The following DGKA variants were observed in gnomAD, a reference collection of about 807,000 sequenced individuals.
DGKA encodes diacylglycerol kinase alpha.
A neutral mutation model predicts 105.0 loss-of-function variants in DGKA; 35 were observed. That is an observed-to-expected ratio of 0.33 (90% CI 0.25 to 0.44). The LOEUF is 0.44. DGKA is among the 20% of genes least tolerant of loss of function. The pLI is 1.00. For missense variants in DGKA, 665 were observed against 915.0 expected, an observed-to-expected ratio of 0.73 and a Z score of 3.53; for synonymous variants, 296 against 332.0, an observed-to-expected ratio of 0.89 and a Z score of 1.18.
At chr12:55,935,978 C>T in intron 1 of DGKA, 1 of 989,098 alleles carries the variant, frequency 1.0e-6, no homozygotes, top group Non-Finnish European at 1.2e-6. Flanking sequence ...ACTCAGAGGG[C>T]CGGAACTGCC....
chr12:55,927,876 A>C, upstream of DGKA: 1 of 1,381,902 alleles, frequency 7.2e-7, no homozygotes, highest in Non-Finnish European at 9.7e-7. Flanking sequence ...CTTCTCGCCC[A>C]GACCTCCTAA....
intron 17 of DGKA, 179 bp downstream of exon 17, chr12:55,942,442 C>A (rs936689930): frequency 1.3e-5 from 8 of 611,226 alleles, no homozygotes; most frequent in African/African-American, 7.4e-5. Context: ...AAGCAGGGAC[C>A]ACAATCTGAA....
intron 18 of DGKA, 97 bp downstream of exon 18, chr12:55,951,880 G>A (rs1888223740): frequency 1.3e-6 from 2 of 1,532,996 alleles, no homozygotes; most frequent in South Asian, 1.2e-5. Flanking sequence ...TAAGTGACCT[G>A]TGACACAGGG....
In DGKA at chr12:55,940,853, T is replaced by C. The variant is rs1440932294; in HGVS notation, c.1018-44T>C. The C allele has an allele frequency of 2.5e-6, 4 of 1,605,702 alleles. No homozygotes were observed. Among genetic ancestry groups the C allele is most frequent in the Non-Finnish European group, 3.4e-6 (4 of 1,172,850 alleles). ...TCAGACCCCTCTATTTAGGGATTCA[T>C]GCACAATACAGCTTTTCTTCCCTCT... On this transcript the variant is annotated intron_variant, in intron 12 of 23. Coordinates refer to ENST00000331886, the MANE Select transcript of DGKA (RefSeq NM_001345.5). The surrounding 1 kb of genome is among the most constrained non-coding windows in gnomAD (Gnocchi z 4.3).
intron 17 of DGKA, among the ~76,000 whole-genome samples, chr12:55,950,148 G>A (rs1055441764): frequency 6.6e-6 from 1 of 151,578 alleles, no homozygotes; most frequent in African/African-American, 2.4e-5. Flanking sequence ...CTGATTTTTT[G>A]TATTTTTATA....
In DGKA at chr12:55,940,059, C is replaced by T; in HGVS notation, c.710-23C>T. The T allele has an allele frequency of 6.2e-7, 1 of 1,606,644 alleles. No individual in the cohort carries two copies. The stretch of plus-strand genomic sequence containing the variant: ...AGGGGGAGAGGCTCAGCTAAGCCTC[C>T]CAACTTCTTCCTTCTCCCTCAGTCT... On this transcript the variant is annotated intron_variant, in intron 9 of 23. Coordinates refer to ENST00000331886, the MANE Select transcript of DGKA (RefSeq NM_001345.5). The surrounding 1 kb of genome is among the most constrained non-coding windows in gnomAD (Gnocchi z 4.3).
chr12:55,951,050 G>A (rs1035555565), intron 17 of DGKA, among the ~76,000 whole-genome samples: 10 of 152,088 alleles, frequency 6.6e-5, no homozygotes, highest in African/African-American at 2.2e-4. Flanking sequence ...TGCAGGTAGC[G>A]AGCATAGAAC....
chr12:55,929,088 G>C (rs705717), upstream of DGKA: 5,778 of 152,406 alleles, frequency 0.038, 380 homozygotes, highest in African/African-American at 0.13. Flanking sequence ...GGAGGTTGCA[G>C]TGAGCCAAGA....
chr12:55,939,014 C>T, intron 7 of DGKA, 25 bp downstream of exon 7: 2 of 1,613,724 alleles, frequency 1.2e-6, no homozygotes, highest in Non-Finnish European at 1.7e-6. Flanking sequence ...CCTTCATGTC[C>T]CTTCTTGTAC....
chr12:55,953,648 C>T (rs773455138), intron 23 of DGKA, 37 bp from the exon 24 acceptor site: 1 of 1,594,364 alleles, frequency 6.3e-7, no homozygotes, highest in Non-Finnish European at 8.6e-7. Context: ...CCCAAAGTAT[C>T]AGGTCCTGCC....
rs761524002 is a variant in DGKA at position 55,936,483 on chromosome 12, A to G, written c.-21A>G. 6.8e-5 allele frequency: 110 copies of G among 1,612,690 alleles called. No individual in the cohort carries two copies. The highest frequency in any genetic ancestry group is 9.2e-5 in the Non-Finnish European group (108 of 1,179,060). ...CTACTACGAAGCTGCCTTTCTGGCC[A>G]TCCTTGAGAAAAATAGACAGATGGC... On this transcript the variant is annotated 5_prime_UTR_variant, in exon 2 of 24. Coordinates refer to ENST00000331886, the MANE Select transcript of DGKA (RefSeq NM_001345.5).
intron 17 of DGKA, among the ~76,000 whole-genome samples, chr12:55,945,816 G>A (rs1469912794): frequency 6.7e-6 from 1 of 149,948 alleles, no homozygotes; most frequent in Non-Finnish European, 1.5e-5. Context: ...TTAAGACAGA[G>A]TCTCCCTCTG....
chr12:55,946,504 G>T (rs550527837), intron 17 of DGKA, among the ~76,000 whole-genome samples: 1 of 152,312 alleles, frequency 6.6e-6, no homozygotes, highest in East Asian at 1.9e-4. Flanking sequence ...TTACAGGCGT[G>T]CGCCATCACA....
chr12:55,951,026 G>A (rs1329236005), intron 17 of DGKA, among the ~76,000 whole-genome samples: 1 of 152,130 alleles, frequency 6.6e-6, no homozygotes, highest in East Asian at 1.9e-4. Context: ...TTTGGGGTAT[G>A]GATGGTCACA....
At chr12:55,947,110 C>T (rs1031272920) in intron 17 of DGKA, among the ~76,000 whole-genome samples, 8 of 151,632 alleles carry the variant, frequency 5.3e-5, no homozygotes, top group Admixed American at 1.3e-4. Context: ...CTCAGCCTCC[C>T]GAGTAGCTGG....
intron 9 of DGKA, 51 bp downstream of exon 9, chr12:55,939,580 G>A: frequency 1.3e-6 from 2 of 1,570,830 alleles, no homozygotes; most frequent in Non-Finnish European, 1.8e-6. Flanking sequence ...CCAGCTATCT[G>A]TGGGAGCTTG....
chr12:55,936,608 C>T (rs1884757029), intron 2 of DGKA, 41 bp downstream of exon 2: 1 of 1,613,374 alleles, frequency 6.2e-7, no homozygotes, highest in African/African-American at 1.3e-5. Flanking sequence ...GAGACCCTGC[C>T]CCAGAGAATC....
chr12:55,936,095 GA>G, intron 1 of DGKA: 1 of 909,742 alleles, frequency 1.1e-6, no homozygotes, highest in Non-Finnish European at 1.3e-6. Flanking sequence ...CACACCCACA[GA>G]AACATATATA....
chr12:55,930,673 CT>C (rs1450501601), upstream of DGKA: 1 of 152,160 alleles, frequency 6.6e-6, no homozygotes, highest in African/African-American at 2.4e-5. Flanking sequence ...GCCTTTGGCC[CT>C]TGTCTTTTTA....
Sources: allele counts gnomAD v4.1 joint callset (sites outside exome capture counted in the v4.1 genomes callset), GRCh38; gene constraint gnomAD v4.1.1; non-coding constraint Gnocchi (gnomAD v3.1); transcripts MANE v1.5; gene names NCBI Gene and HGNC (gene_info 2026-07-23, HGNC 2026-07-21).